The following DBP variants were observed in gnomAD, a reference collection of about 807,000 sequenced individuals.
The protein encoded by DBP is D site-binding protein.
Under a neutral mutation model 21.4 loss-of-function variants are expected in DBP, and 12 were observed. The observed-to-expected ratio is 0.56, with a 90% CI of 0.36 to 0.91. The LOEUF (loss-of-function observed/expected upper bound fraction) is 0.91. Among genes scored for constraint, DBP ranks in the 40% least tolerant of loss-of-function variants. The pLI, the probability that DBP is intolerant of heterozygous loss-of-function variation, is 0.01. For synonymous variants in DBP, 213 were observed against 224.9 expected, an observed-to-expected ratio of 0.95 and a Z score of 0.47; for missense variants, 423 against 473.4, an observed-to-expected ratio of 0.89 and a Z score of 0.99.
intron 2 of DBP, 82 bp downstream of exon 2, chr19:48,635,498 C>T (rs1422414136): frequency 1.6e-5 from 23 of 1,478,384 alleles, no homozygotes; most frequent in Admixed American, 8.2e-5. Flanking sequence ...GTCCCACGGT[C>T]CCAGCCCCCA....
chr19:48,635,321 C>A, intron 2 of DBP: 2 of 1,283,112 alleles, frequency 1.6e-6, no homozygotes, highest in Non-Finnish European at 2.0e-6. Flanking sequence ...CCAAGTCCCA[C>A]AGAAAAACCC....
chr19:48,630,989 G>T lies in DBP; in HGVS notation c.826C>A (p.Arg276=). The T allele has an allele frequency of 6.2e-7, 1 of 1,613,744 alleles. No homozygotes were observed. The highest frequency in any genetic ancestry group is 8.5e-7 in the Non-Finnish European group (1 of 1,179,954). The change falls in exon 4 of 4, where the codon CGG becomes AGG. Residue 276 remains arginine, a synonymous_variant. Coordinates refer to ENST00000222122, the MANE Select transcript of DBP (RefSeq NM_001352.5). This position sits in a 1 kb window ranked among gnomAD's most constrained non-coding sequence, Gnocchi z 4.9. ...GATATCTGGTTCTCCTTGAGCCGCC[G>T]GGCGTCACGGGACCGCTTGGCTGCC... ...NEAAKRSRDA[R]RLKENQISVR... is the part of the protein sequence containing the mutation.
intron 2 of DBP, chr19:48,634,731 G>A: frequency 1.0e-6 from 1 of 985,560 alleles, no homozygotes; most frequent in Non-Finnish European, 1.2e-6. Flanking sequence ...GGAAGGGTAG[G>A]GCCCTGGTTC....
Position 48,630,350 on chromosome 19 carries a change from T to A in DBP, c.*487A>T. On this transcript the variant is annotated 3_prime_UTR_variant, in exon 4 of 4. Coordinates refer to ENST00000222122, the MANE Select transcript of DBP (RefSeq NM_001352.5). This position sits in a 1 kb window ranked among gnomAD's most constrained non-coding sequence, Gnocchi z 4.9. ...TCTCATGCGCGTCCTCCGTCCCCAATCTAAAAAGCAATTGAAAAGGTCTAT... is the reference window on the plus strand; with the variant it reads ...TCTCATGCGCGTCCTCCGTCCCCAAACTAAAAAGCAATTGAAAAGGTCTAT... 7.6e-7 allele frequency: 1 copy of A among 1,309,788 alleles called. No individual in the cohort carries two copies. The highest frequency in any genetic ancestry group is 9.7e-7 in the Non-Finnish European group (1 of 1,029,820). 81.1% of individuals were successfully genotyped at this position (1,309,788 alleles called of 1,614,324 possible).
intron 2 of DBP, 73 bp downstream of exon 2, chr19:48,635,507 C>A (rs1420845500): frequency 2.9e-5 from 43 of 1,476,922 alleles, no homozygotes; most frequent in Non-Finnish European, 3.5e-5. Context: ...TCCCAGCCCC[C>A]AGCGTCGCAC....
Position 48,635,386 on chromosome 19 carries a change from C to T in DBP, c.550+194G>A, listed in dbSNP as rs1324366459. 5 of 1,376,768 alleles carry T rather than the reference C, an allele frequency of 3.6e-6. No individual in the cohort carries two copies. In the South Asian group the frequency reaches 5.7e-5, roughly 16 times the overall value. 85.3% of individuals were successfully genotyped at this position (1,376,768 alleles called of 1,614,324 possible). On this transcript the variant is annotated intron_variant, in intron 2 of 3. Coordinates refer to ENST00000222122, the MANE Select transcript of DBP (RefSeq NM_001352.5). ...ATTTAGGGTTCCAAGTCTCTCCTCC[C>T]CCATGGATCCATTGGTCCCTGACCC...
Position 48,630,523 on chromosome 19 carries a change from T to C in DBP, c.*314A>G. 1 of 1,534,602 alleles carries C rather than the reference T, an allele frequency of 6.5e-7. No homozygotes were observed. Among genetic ancestry groups the C allele is most frequent in the Non-Finnish European group, 8.7e-7 (1 of 1,146,268 alleles). ...AGCTGCCCACGGGCTGCAGCCAGTA[T>C]GCCAGGGAGCTGCCCTCTTCTTCCA... is the stretch of plus-strand genomic sequence containing the variant. On this transcript the variant is annotated 3_prime_UTR_variant, in exon 4 of 4. Transcript: ENST00000222122. The surrounding 1 kb of genome is among the most constrained non-coding windows in gnomAD (Gnocchi z 4.9).
At chr19:48,633,984 C>G (rs2030690775) in intron 2 of DBP, 1 of 346,216 alleles carries the variant, frequency 2.9e-6, no homozygotes, top group South Asian at 2.7e-5. Flanking sequence ...CCGGTAAGCC[C>G]AGCTACTAGG....
intron 2 of DBP, 184 bp from the exon 3 acceptor site, chr19:48,633,839 G>A (rs933561953): frequency 1.5e-5 from 9 of 605,378 alleles, no homozygotes; most frequent in African/African-American, 7.4e-5. Context: ...AGTGGCTCAC[G>A]CCTGTAACCC....
intron 3 of DBP, chr19:48,631,327 G>A (rs1045057351): frequency 1.5e-5 from 7 of 474,916 alleles, no homozygotes; most frequent in African/African-American, 1.4e-4. Context: ...AGGCCTGCAT[G>A]CAGTTAGCTC....
chr19:48,636,241 G>GAC (rs1232381347), intron 1 of DBP, among the ~76,000 whole-genome samples: 1 of 152,124 alleles, frequency 6.6e-6, no homozygotes, highest in East Asian at 1.9e-4. Context: ...GGAAGGAATA[G>GAC]ACACACAGAA....
At chr19:48,636,773 T>C (rs2030820111) in intron 1 of DBP, 83 bp downstream of exon 1, 1 of 1,508,776 alleles carries the variant, frequency 6.6e-7, no homozygotes, top group Non-Finnish European at 9.0e-7. Flanking sequence ...GCACGCAGGT[T>C]TCTATGGGAC....
intron 2 of DBP, 120 bp from the exon 3 acceptor site, chr19:48,633,775 G>A (rs965981195): frequency 5.9e-5 from 50 of 849,948 alleles, no homozygotes; most frequent in Non-Finnish European, 5.5e-5. Context: ...GCATAAATTC[G>A]GCCAGGGATT....
rs1164964356 is a variant in DBP, at chr19:48,637,095, G to T, written c.-101C>A. The stretch of plus-strand genomic sequence containing the variant: ...AGTGGTTTGGACGAGTGTCTGCCCA[G>T]GGGCGGGCGAGTGTAGCCTGCAACC... On this transcript the variant is annotated 5_prime_UTR_variant, in exon 1 of 4. In the 5' UTR this introduces an upstream ATG that the reference lacks. Transcript: ENST00000222122. The T allele has an allele frequency of 3.4e-6, 4 of 1,175,518 alleles. No homozygotes were observed. Among genetic ancestry groups the T allele is most frequent in the African/African-American group, 1.6e-5 (1 of 63,144 alleles). The allele number at this position is 1,175,518 out of a possible 1,614,324, so 72.8% of individuals were successfully genotyped here.
rs1227457524 is a variant in DBP, at chr19:48,635,684, G to A, written c.446C>T (p.Ala149Val). The A allele has an allele frequency of 9.8e-5, 130 of 1,321,384 alleles. No individual in the cohort carries two copies. The highest frequency in any genetic ancestry group is 1.2e-4 in the Non-Finnish European group (124 of 1,043,984). The allele number at this position is 1,321,384 out of a possible 1,614,324, so 81.9% of individuals were successfully genotyped here. A position where few individuals can be genotyped will look rare whatever the true frequency, so the allele number is the denominator to read the frequency against. ...SPEPSPARTP[A>V]PSPGPGSCGS... is the part of the protein sequence containing the mutation. ...GCACGAACCCGGCCCTGGGGAGGGT[G>A]CGGGCGTCCGCGCGGGCGACGGCTC... Residue 149 changes from alanine to valine, a missense_variant, in exon 2 of 4, where the codon GCA (alanine) becomes GTA (valine). Ala to Val is a moderately conservative substitution (Grantham distance 64). This residue lies in a region of DBP where 283 missense variants were observed against 273.7 expected (regional missense o/e 1.03). Coordinates refer to ENST00000222122, the MANE Select transcript of DBP (RefSeq NM_001352.5).
rs556597704 is a variant in DBP at position 48,630,975 on chromosome 19, C to T, written c.840G>A (p.Glu280=). The change falls in exon 4 of 4, where the codon GAG becomes GAA. Residue 280 remains glutamate (E), a synonymous_variant. Coordinates refer to ENST00000222122, the MANE Select transcript of DBP (RefSeq NM_001352.5). This position sits in a 1 kb window ranked among gnomAD's most constrained non-coding sequence, Gnocchi z 4.9. Reference sequence around the variant, plus strand: ...AGGCCGCCCGCACCGATATCTGGTTCTCCTTGAGCCGCCGGGCGTCACGGG... The same window carrying T: ...AGGCCGCCCGCACCGATATCTGGTTTTCCTTGAGCCGCCGGGCGTCACGGG... ...KRSRDARRLK[E]NQISVRAAFL... 426 of 1,613,722 alleles carry T rather than the reference C, an allele frequency of 2.6e-4. 4 individuals carry two copies. The South Asian group carries it at 4.5e-3, about 17-fold the overall frequency.
At chr19:48,634,775 A>G (rs1326298544) in intron 2 of DBP, 3 of 985,464 alleles carry the variant, frequency 3.0e-6, no homozygotes, top group African/African-American at 1.7e-5. Flanking sequence ...AGGTGTGCCC[A>G]GGAATCCCCG....
intron 3 of DBP, chr19:48,632,138 CT>C (rs58604583): frequency 0.11 from 14,994 of 135,210 alleles, 1,010 homozygotes; most frequent in East Asian, 0.27. Context: ...AATTTTTGTT[CT>C]TTTTTTTTTT....
chr19:48,635,508 A>C, intron 2 of DBP, 72 bp downstream of exon 2: 1 of 1,476,078 alleles, frequency 6.8e-7, no homozygotes, highest in Admixed American at 2.1e-5. Context: ...CCCAGCCCCC[A>C]GCGTCGCACA....
Sources: allele counts gnomAD v4.1 joint callset (sites outside exome capture counted in the v4.1 genomes callset), GRCh38; gene constraint gnomAD v4.1.1; regional missense constraint gnomAD v4.1.1; non-coding constraint Gnocchi (gnomAD v3.1); transcripts MANE v1.5; gene names NCBI Gene and HGNC (gene_info 2026-07-23, HGNC 2026-07-21).